PRKACB: variants seen among roughly 807,000 people sequenced by gnomAD.
The protein encoded by PRKACB is cAMP-dependent protein kinase catalytic subunit beta.
In PRKACB, 16 loss-of-function variants were observed where a neutral mutation model predicts 51.4. The ratio of observed to expected loss-of-function variants is 0.31; its 90% confidence interval spans 0.21 to 0.47. The LOEUF is 0.47. Ranked by LOEUF, PRKACB falls within the 20% of genes least tolerant of loss-of-function variation. PRKACB has a pLI of 1.00. For synonymous variants in PRKACB, 147 were observed against 154.4 expected (o/e 0.95, Z 0.35); for missense variants, 309 against 464.5 (o/e 0.67, Z 3.08).
At chr1:84,121,517 A>G (rs138782357) in intron 1 of PRKACB, among the ~76,000 whole-genome samples, 1 of 152,220 alleles carries the variant, frequency 6.6e-6, no homozygotes, top group East Asian at 1.9e-4. Context: ...ACTTTCCCTT[A>G]TTCAGATCTC....
At chr1:84,175,168 A>C in intron 1 of PRKACB, 2 of 1,033,722 alleles carry the variant, frequency 1.9e-6, no homozygotes, top group East Asian at 7.1e-5. Context: ...TATCAAGTTA[A>C]TGAAATATTT....
rs186832932 is a variant in PRKACB, at chr1:84,104,147, A to G, written c.46+25776A>G. On this transcript the variant is annotated intron_variant, in intron 1 of 8. Coordinates refer to the PRKACB transcript ENST00000370688. Reference sequence around the variant, plus strand: ...CCACAATTATCTAATTCTCTTCCCAACTTTTAATAACCACAATTCTCCTAT... The same window carrying G: ...CCACAATTATCTAATTCTCTTCCCAGCTTTTAATAACCACAATTCTCCTAT... Among the ~76,000 whole-genome samples the G allele has an allele frequency of 3.8e-3, 572 of 152,182 alleles. 2 individuals are homozygous for G. The highest frequency in any genetic ancestry group is 0.012 in the African/African-American group (512 of 41,526).
intron 1 of PRKACB, among the ~76,000 whole-genome samples, chr1:84,148,077 AACT>A (rs1434063597): frequency 1.3e-5 from 2 of 152,174 alleles, no homozygotes; most frequent in African/African-American, 4.8e-5. Context: ...ATTTAATTAG[AACT>A]AACGCTTTTG....
intron 8 of PRKACB, among the ~76,000 whole-genome samples, chr1:84,212,313 G>T (rs1227518967): frequency 6.8e-6 from 1 of 148,068 alleles, no homozygotes; most frequent in Non-Finnish European, 1.5e-5. Context: ...TTATTCTGAT[G>T]TGCATGGGTC....
chr1:84,147,720 A>C (rs1188777361), intron 1 of PRKACB, among the ~76,000 whole-genome samples: 1 of 152,082 alleles, frequency 6.6e-6, no homozygotes. Context: ...ATATTAAAGA[A>C]TGAATAGAAT....
chr1:84,237,008 C>T lies in PRKACB; in HGVS notation c.*1703C>T, dbSNP rs960983575. 29 of 152,074 alleles carry T rather than the reference C, an allele frequency of 1.9e-4. No individual in the cohort carries two copies. The highest frequency in any genetic ancestry group is 7.0e-4 in the African/African-American group (29 of 41,416). 9.4% of individuals were successfully genotyped at this position (152,074 alleles called of 1,614,324 possible). On this transcript the variant is annotated 3_prime_UTR_variant, in exon 10 of 10. Transcript: ENST00000370685. ...TCATCTGTACCACACCCTGGTGAAA[C>T]CTTTGAAGACATAAAAAAAACCTGT... is the stretch of plus-strand genomic sequence containing the variant.
intron 1 of PRKACB, among the ~76,000 whole-genome samples, chr1:84,169,482 T>C (rs936821443): frequency 1.3e-5 from 2 of 151,624 alleles, no homozygotes; most frequent in African/African-American, 4.8e-5. Context: ...ACCAGAATAA[T>C]CATTGCAGAA....
At chr1:84,125,854 G>T (rs1307996614) in intron 1 of PRKACB, among the ~76,000 whole-genome samples, 1 of 152,132 alleles carries the variant, frequency 6.6e-6, no homozygotes, top group East Asian at 1.9e-4. Context: ...ATGTCCAATA[G>T]AATTTTTTAT....
intron 1 of PRKACB, among the ~76,000 whole-genome samples, chr1:84,090,980 TATA>T (rs1328153023): frequency 6.6e-6 from 1 of 152,158 alleles, no homozygotes; most frequent in Admixed American, 6.5e-5. Flanking sequence ...CTTTTATATG[TATA>T]ATAATATGTC....
intron 1 of PRKACB, among the ~76,000 whole-genome samples, chr1:84,129,717 A>G (rs1345761739): frequency 1.3e-5 from 2 of 152,208 alleles, no homozygotes; most frequent in Non-Finnish European, 2.9e-5. Flanking sequence ...GATTATGCCT[A>G]AAAAAGATTC....
At chr1:84,147,256 A>G (rs1654227649) in intron 1 of PRKACB, among the ~76,000 whole-genome samples, 1 of 152,028 alleles carries the variant, frequency 6.6e-6, no homozygotes, top group Non-Finnish European at 1.5e-5. Context: ...ACAAATGAGC[A>G]GTTTTGATTA....
At chr1:84,078,098 TCGC>T (rs555766497), upstream of PRKACB, 423 of 417,770 alleles carry the variant, frequency 1.0e-3, no homozygotes, top group South Asian at 2.6e-3. Flanking sequence ...GCCACCGCCG[TCGC>T]CGCCGCCGCC....
chr1:84,204,091 T>G (rs1443653438), intron 8 of PRKACB, among the ~76,000 whole-genome samples: 2 of 151,966 alleles, frequency 1.3e-5, no homozygotes, highest in Non-Finnish European at 2.9e-5. Context: ...CATTTGCCAA[T>G]AGAATTAGTC....
intron 1 of PRKACB, chr1:84,173,221 A>G: frequency 1.5e-6 from 1 of 681,462 alleles, no homozygotes; most frequent in Non-Finnish European, 2.3e-6. Flanking sequence ...TTGTTTTATC[A>G]TTCTATTTCT....
intron 1 of PRKACB, among the ~76,000 whole-genome samples, chr1:84,123,406 A>G (rs1651259630): frequency 6.6e-6 from 1 of 152,180 alleles, no homozygotes; most frequent in African/African-American, 2.4e-5. Flanking sequence ...AGAGAAACTA[A>G]TGGGTTCAGT....
At chr1:84,137,866 G>T (rs1423146466) in intron 1 of PRKACB, among the ~76,000 whole-genome samples, 1 of 152,146 alleles carries the variant, frequency 6.6e-6, no homozygotes, top group African/African-American at 2.4e-5. Context: ...GCAAGGGGAG[G>T]CAGCTAGAAG....
intron 1 of PRKACB, among the ~76,000 whole-genome samples, chr1:84,081,725 A>T (rs1647551133): frequency 6.6e-6 from 1 of 152,082 alleles, no homozygotes; most frequent in African/African-American, 2.4e-5. Context: ...TATTTATTTC[A>T]TTTTAAAAAA....
chr1:84,108,543 A>G lies in PRKACB; in HGVS notation c.46+30172A>G, dbSNP rs557609827. ...AACAAATTGAGATTATAATAATAAT[A>G]TAGTGCTTATTGTATACCAGACACC... On this transcript the variant is annotated intron_variant, in intron 1 of 8. Coordinates refer to the PRKACB transcript ENST00000370688. Among the ~76,000 whole-genome samples the G allele has an allele frequency of 3.9e-5, 6 of 152,172 alleles. No homozygotes were observed. In the East Asian group the frequency reaches 5.8e-4, roughly 15 times the overall value.
intron 2 of PRKACB, among the ~76,000 whole-genome samples, chr1:84,180,204 A>ATATATG (rs1553173832): frequency 1.1e-4 from 14 of 124,012 alleles, no homozygotes; most frequent in African/African-American, 4.0e-4. Flanking sequence ...ATATATATAT[A>ATATATG]TATATGTATG....
Sources: allele counts gnomAD v4.1 joint callset (sites outside exome capture counted in the v4.1 genomes callset), GRCh38; gene constraint gnomAD v4.1.1; transcripts MANE v1.5; gene names NCBI Gene and HGNC (gene_info 2026-07-23, HGNC 2026-07-21).